B3GALT1: variants seen among roughly 807,000 people sequenced by gnomAD.
B3GALT1 encodes UDP-Gal:betaGlcNAc beta 1,3-galactosyltransferase, polypeptide 1.
A neutral mutation model predicts 23.2 loss-of-function variants in B3GALT1; 10 were observed. The ratio of observed to expected loss-of-function variants is 0.43; its 90% CI spans 0.27 to 0.73. The LOEUF is 0.73. Ranked by LOEUF, B3GALT1 falls within the 30% of genes least tolerant of loss-of-function variation. The pLI is 0.21. For synonymous variants in B3GALT1, 156 were observed against 141.5 expected (o/e 1.10, Z -0.73); for missense variants, 299 against 405.4 (o/e 0.74, Z 2.25).
intron 3 of B3GALT1, among the ~76,000 whole-genome samples, chr2:167,695,725 T>C (rs564285670): frequency 1.3e-5 from 2 of 152,276 alleles, no homozygotes; most frequent in South Asian, 4.1e-4. Flanking sequence ...GTGACTTAAG[T>C]TGGGAAGCTA....
rs1690368056 is a variant in B3GALT1 at position 167,872,320 on chromosome 2, C to T, written c.*2300C>T. ...GTTTCTGCAAAACACGATCTCTCATCCCCCACCCGAAAGGACCTGATATGA... is the reference window on the plus strand; with the variant it reads ...GTTTCTGCAAAACACGATCTCTCATTCCCCACCCGAAAGGACCTGATATGA... On this transcript the variant is annotated 3_prime_UTR_variant, in exon 5 of 5. Coordinates refer to ENST00000392690, the MANE Select transcript of B3GALT1 (RefSeq NM_020981.4). The T allele has an allele frequency of 6.6e-6, 1 of 152,142 alleles. No individual in the cohort carries two copies. Among genetic ancestry groups the T allele is most frequent in the African/African-American group, 2.4e-5 (1 of 41,406 alleles). 9.4% of individuals were successfully genotyped at this position (152,142 alleles called of 1,614,324 possible). A position where few individuals can be genotyped will look rare whatever the true frequency, so the allele number is the denominator to read the frequency against.
chr2:167,865,864 C>T (rs964747341), intron 4 of B3GALT1, among the ~76,000 whole-genome samples: 1 of 151,694 alleles, frequency 6.6e-6, no homozygotes, highest in African/African-American at 2.4e-5. Context: ...AGATAAGATC[C>T]TCCTTCACAC....
intron 1 of B3GALT1, among the ~76,000 whole-genome samples, chr2:167,473,274 T>C (rs1699443778): frequency 6.6e-6 from 1 of 152,092 alleles, no homozygotes; most frequent in South Asian, 2.1e-4. Flanking sequence ...GGGAAGATAT[T>C]TTACTCTCTT....
At chr2:167,635,025 G>T (rs1685523901) in intron 2 of B3GALT1, among the ~76,000 whole-genome samples, 1 of 152,072 alleles carries the variant, frequency 6.6e-6, no homozygotes, top group South Asian at 2.1e-4. Flanking sequence ...TTCATCCCTG[G>T]GATGCAGGGT....
chr2:167,470,654 C>T (rs574575659), intron 1 of B3GALT1, among the ~76,000 whole-genome samples: 1 of 152,120 alleles, frequency 6.6e-6, no homozygotes, highest in African/African-American at 2.4e-5. Flanking sequence ...GATTGTCCCA[C>T]CCCCATAATC....
chr2:167,596,673 T>C (rs1007501494), intron 2 of B3GALT1, among the ~76,000 whole-genome samples: 1 of 152,164 alleles, frequency 6.6e-6, no homozygotes, highest in African/African-American at 2.4e-5. Flanking sequence ...TAGAGGATTT[T>C]TTTTTGTAGA....
At chr2:167,299,867 A>G (rs570163812) in intron 1 of B3GALT1, among the ~76,000 whole-genome samples, 4 of 150,626 alleles carry the variant, frequency 2.7e-5, no homozygotes, top group Non-Finnish European at 4.4e-5. Flanking sequence ...AATTTATATA[A>G]CATATATTCT....
At chr2:167,699,391 T>TTA (rs1352364956) in intron 3 of B3GALT1, among the ~76,000 whole-genome samples, 9 of 147,116 alleles carry the variant, frequency 6.1e-5, no homozygotes, top group Admixed American at 1.4e-4. Flanking sequence ...TTTTTTTTTT[T>TTA]TTTTTTTTTT....
intron 3 of B3GALT1, among the ~76,000 whole-genome samples, chr2:167,681,600 A>G (rs1686532163): frequency 6.6e-6 from 1 of 152,246 alleles, no homozygotes; most frequent in Non-Finnish European, 1.5e-5. Context: ...TGGTTGATTT[A>G]CATATCACCT....
intron 1 of B3GALT1, among the ~76,000 whole-genome samples, chr2:167,468,779 T>TA (rs1699382858): frequency 1.3e-5 from 2 of 152,090 alleles, no homozygotes; most frequent in Admixed American, 6.6e-5. Context: ...GCTGAGGCAG[T>TA]AGAATAGCTT....
intron 3 of B3GALT1, among the ~76,000 whole-genome samples, chr2:167,675,835 A>G (rs946771790): frequency 6.6e-6 from 1 of 151,708 alleles, no homozygotes; most frequent in Admixed American, 6.6e-5. Context: ...CTGAGTGCAT[A>G]TGGAAACCCA....
At chr2:167,782,213 G>A (rs1688258162) in intron 3 of B3GALT1, among the ~76,000 whole-genome samples, 1 of 152,214 alleles carries the variant, frequency 6.6e-6, no homozygotes, top group South Asian at 2.1e-4. Context: ...TAAGGAAGAA[G>A]CTGAGAAGGT....
At chr2:167,415,084 A>G (rs1317677060) in intron 1 of B3GALT1, among the ~76,000 whole-genome samples, 1 of 152,206 alleles carries the variant, frequency 6.6e-6, no homozygotes, top group East Asian at 1.9e-4. Context: ...ACTGCATCTC[A>G]GAGTGTGCTA....
At chr2:167,667,753 T>C (rs1686231298) in intron 3 of B3GALT1, among the ~76,000 whole-genome samples, 1 of 152,232 alleles carries the variant, frequency 6.6e-6, no homozygotes, top group Non-Finnish European at 1.5e-5. Flanking sequence ...CGGCTGAGGC[T>C]TCTGCATTCT....
At chr2:167,676,877 C>T (rs1460366454) in intron 3 of B3GALT1, among the ~76,000 whole-genome samples, 2 of 152,184 alleles carry the variant, frequency 1.3e-5, no homozygotes, top group Non-Finnish European at 2.9e-5. Flanking sequence ...CATGTATGCA[C>T]ATTATAAGTT....
chr2:167,296,536 C>A (rs1696352468), intron 1 of B3GALT1, among the ~76,000 whole-genome samples: 1 of 152,160 alleles, frequency 6.6e-6, no homozygotes, highest in Admixed American at 6.5e-5. Flanking sequence ...TAGAAAGGTT[C>A]TCAGAAGGAA....
At chr2:167,858,570 G>T (rs906338854) in intron 4 of B3GALT1, among the ~76,000 whole-genome samples, 2 of 152,036 alleles carry the variant, frequency 1.3e-5, no homozygotes, top group Non-Finnish European at 2.9e-5. Flanking sequence ...TACTGGCAAA[G>T]TCTGGCCAGA....
chr2:167,773,790 T>G (rs1166394107), intron 3 of B3GALT1, among the ~76,000 whole-genome samples: 1 of 152,246 alleles, frequency 6.6e-6, no homozygotes, highest in Non-Finnish European at 1.5e-5. Flanking sequence ...ATATGCTTGT[T>G]AGTTGGCTCC....
chr2:167,509,819 G>C (rs1699975849), intron 2 of B3GALT1, among the ~76,000 whole-genome samples: 2 of 152,088 alleles, frequency 1.3e-5, no homozygotes, highest in South Asian at 4.1e-4. Context: ...CAGAGAGATG[G>C]GAAGCATTTG....
Sources: gnomAD v4.1 joint callset for allele counts (sites outside exome capture counted in the v4.1 genomes callset) on GRCh38, gnomAD v4.1.1 for gene constraint, MANE v1.5 for transcripts, NCBI Gene and HGNC (gene_info 2026-07-23, HGNC 2026-07-21) for gene names.